Variants in FBXO38 observed in about 807,000 individuals in gnomAD.
FBXO38 encodes F-box protein 38.
A neutral mutation model predicts 131.9 loss-of-function variants in FBXO38; 53 were observed. The ratio of observed to expected loss-of-function variants is 0.40; its 90% CI spans 0.32 to 0.51. FBXO38 has a LOEUF of 0.51. Among genes scored for constraint, FBXO38 ranks in the 20% least tolerant of loss-of-function variants. FBXO38 has a pLI of 0.53. For synonymous variants in FBXO38, 452 were observed against 505.6 expected (o/e 0.89, Z 1.42); for missense variants, 1,076 against 1,475.6 (o/e 0.73, Z 4.44).
chr5:148,384,906 T>G (rs1269745650), intron 1 of FBXO38: 4 of 152,206 alleles, frequency 2.6e-5, no homozygotes, highest in African/African-American at 9.6e-5. Flanking sequence ...GTTCCAAAGT[T>G]GCTATTAACT....
chr5:148,427,263 A>T lies in FBXO38; in HGVS notation c.1969A>T (p.Met657Leu). Residue 657 changes from methionine (M) to leucine (L), a missense_variant, in exon 15 of 22, where the codon ATG (methionine) becomes TTG (leucine). Met to Leu is a conservative substitution (Grantham distance 15). Transcript: ENST00000340253. ...TCGAAAGAGGTACAACTCCCATCAG[A>T]TGGGCCAGTCGAAGCAGTTTCCCCT... is the stretch of plus-strand genomic sequence containing the variant. ...PLRKRYNSHQMGQSKQFPLEE... is the reference protein window; with the variant it reads ...PLRKRYNSHQLGQSKQFPLEE... The T allele has an allele frequency of 1.2e-6, 2 of 1,614,104 alleles. No homozygotes were observed. The highest frequency in any genetic ancestry group is 1.7e-6 in the Non-Finnish European group (2 of 1,179,980).
At chr5:148,414,334 GT>G in intron 10 of FBXO38, 28 bp downstream of exon 10, 2 of 1,513,440 alleles carry the variant, frequency 1.3e-6, no homozygotes, top group Non-Finnish European at 1.8e-6. Flanking sequence ...ATACAGCTAT[GT>G]TTTATTGATA....
chr5:148,441,096 A>G (rs749959557), intron 20 of FBXO38, 28 bp from the exon 21 acceptor site: 12 of 1,547,554 alleles, frequency 7.8e-6, no homozygotes, highest in Non-Finnish European at 1.1e-5. Context: ...CTCCCACGCC[A>G]GTTAGCAATG....
intron 12 of FBXO38, among the ~76,000 whole-genome samples, chr5:148,423,147 C>T (rs1420424381): frequency 6.6e-6 from 1 of 152,124 alleles, no homozygotes; most frequent in African/African-American, 2.4e-5. Flanking sequence ...TAGCTCTTAG[C>T]AAGTATATTC....
intron 13 of FBXO38, 120 bp downstream of exon 13, chr5:148,424,237 T>A: frequency 1.1e-6 from 1 of 951,782 alleles, no homozygotes; most frequent in Non-Finnish European, 1.6e-6. Flanking sequence ...CGTTTTATGC[T>A]ATTGATTACT....
Position 148,427,398 on chromosome 5 carries a change from C to T in FBXO38, c.2104C>T (p.Pro702Ser), listed in dbSNP as rs1171456593. 2 of 1,614,142 alleles carry T rather than the reference C, an allele frequency of 1.2e-6. No individual in the cohort carries two copies. The highest frequency in any genetic ancestry group is 1.7e-5 in the Admixed American group (1 of 60,020). ...AAAGAAAAAAAACAAGGATGTTTAT[C>T]CCAGCTGCAGCAGCACCACCGCCAG... ...PEKKKNKDVY[P>S]SCSSTTASTV... is the part of the protein sequence containing the mutation. The change falls in exon 15 of 22, where the codon CCC becomes TCC. Residue 702 changes from proline to serine, a missense_variant. Physicochemically the swap from Pro to Ser is moderately conservative, Grantham distance 74. This residue lies in a region of FBXO38 where 213 missense variants were observed against 225.2 expected (regional missense o/e 0.95). Transcript: ENST00000340253.
intron 12 of FBXO38, among the ~76,000 whole-genome samples, chr5:148,423,148 A>T (rs1753535686): frequency 6.6e-6 from 1 of 152,162 alleles, no homozygotes; most frequent in Admixed American, 6.5e-5. Context: ...AGCTCTTAGC[A>T]AGTATATTCT....
In FBXO38 at chr5:148,441,969, G is replaced by T. The variant is rs747935774; in HGVS notation, c.3389G>T (p.Ser1130Ile). The part of the protein sequence containing the change: ...ARYDFEDDEE[S>I]TIYAPRRKGQ... Reference sequence around the variant, plus strand: ...TCTCCTTTTATTTCTAATTTCAAAGGCACTATCTATGCTCCTAGAAGGAAA... The same window carrying T: ...TCTCCTTTTATTTCTAATTTCAAAGTCACTATCTATGCTCCTAGAAGGAAA... The change falls in exon 22 of 22, where the codon AGC (serine) becomes ATC (isoleucine). Residue 1130 changes from serine (S) to isoleucine (I), a missense_variant and splice_region_variant. Coordinates refer to ENST00000340253, the MANE Select transcript of FBXO38 (RefSeq NM_205836.3). 4 of 1,606,524 alleles carry T rather than the reference G, an allele frequency of 2.5e-6. No individual in the cohort carries two copies. The highest frequency in any genetic ancestry group is 3.4e-6 in the Non-Finnish European group (4 of 1,176,930).
intron 6 of FBXO38, among the ~76,000 whole-genome samples, chr5:148,405,625 C>T (rs1157787241): frequency 2.0e-5 from 3 of 152,194 alleles, no homozygotes; most frequent in Non-Finnish European, 4.4e-5. Flanking sequence ...AGCTTTCCAT[C>T]TCAATGTCTT....
chr5:148,423,504 T>G (rs914252254), intron 12 of FBXO38, among the ~76,000 whole-genome samples: 1 of 152,230 alleles, frequency 6.6e-6, no homozygotes, highest in African/African-American at 2.4e-5. Flanking sequence ...TTGGCTTTTA[T>G]CATGAAAGGT....
At chr5:148,398,194 G>A (rs759896609) in intron 2 of FBXO38, among the ~76,000 whole-genome samples, 13 of 152,066 alleles carry the variant, frequency 8.5e-5, no homozygotes, top group Non-Finnish European at 1.6e-4. Context: ...AGAATGTGAC[G>A]CAATACAGGT....
Position 148,384,006 on chromosome 5 carries a change from C to T in FBXO38, c.-97C>T, listed in dbSNP as rs1757773383. 1 of 152,888 alleles carries T rather than the reference C, an allele frequency of 6.5e-6. No individual in the cohort carries two copies. The highest frequency in any genetic ancestry group is 1.9e-4 in the East Asian group (1 of 5,174). The allele number at this position is 152,888 out of a possible 1,614,324, so 9.5% of individuals were successfully genotyped here. The stretch of plus-strand genomic sequence containing the variant: ...GGAAGTGTCTGTAGCGTCCCTCCCT[C>T]TCAACCACAATAACAGGCGGAGGGT... On this transcript the variant is annotated 5_prime_UTR_variant, in exon 1 of 22. Transcript: ENST00000340253.
rs756517041 is a variant in FBXO38, at chr5:148,441,115, G to A, written c.3275-9G>A. On this transcript the variant is annotated splice_polypyrimidine_tract_variant and intron_variant, in intron 20 of 21. Transcript: ENST00000340253. ...CACGCCAGTTAGCAATGTTACATTT[G>A]TCTTTTAGGTGTTGTGGATGGAGCT... 2 of 1,607,058 alleles carry A rather than the reference G, an allele frequency of 1.2e-6. No homozygotes were observed. Among genetic ancestry groups the A allele is most frequent in the South Asian group, 2.2e-5 (2 of 90,922 alleles).
intron 9 of FBXO38, 167 bp downstream of exon 9, chr5:148,410,932 T>C (rs1475764613): frequency 1.3e-5 from 8 of 609,868 alleles, no homozygotes; most frequent in Non-Finnish European, 2.7e-6. Context: ...TGTCAGTGAT[T>C]TTTTTTTCCA....
At chr5:148,405,609 C>T (rs1752403663) in intron 6 of FBXO38, among the ~76,000 whole-genome samples, 1 of 152,172 alleles carries the variant, frequency 6.6e-6, no homozygotes, top group Non-Finnish European at 1.5e-5. Context: ...CCCTGGTCAG[C>T]CATACAGCTT....
At chr5:148,438,229 T>C in intron 17 of FBXO38, 103 bp from the exon 18 acceptor site, 1 of 964,558 alleles carries the variant, frequency 1.0e-6, no homozygotes, top group Admixed American at 2.7e-5. Context: ...TTATTTGACC[T>C]CTGTTAAAGA....
At chr5:148,411,076 A>G (rs1301518090) in intron 9 of FBXO38, among the ~76,000 whole-genome samples, 1 of 151,924 alleles carries the variant, frequency 6.6e-6, no homozygotes, top group African/African-American at 2.4e-5. Flanking sequence ...CATTTTTTTC[A>G]CAGAATGTCA....
chr5:148,384,557 C>T (rs1417291874), intron 1 of FBXO38, among the ~76,000 whole-genome samples: 1 of 152,188 alleles, frequency 6.6e-6, no homozygotes, highest in East Asian at 1.9e-4. Context: ...CACCGTGTGA[C>T]CTTGTCTAGG....
chr5:148,393,104 A>G (rs1336875595), intron 1 of FBXO38, among the ~76,000 whole-genome samples: 1 of 151,964 alleles, frequency 6.6e-6, no homozygotes, highest in East Asian at 1.9e-4. Flanking sequence ...TCACAAATTC[A>G]GGGTAGCATA....
Sources: allele counts gnomAD v4.1 joint callset (sites outside exome capture counted in the v4.1 genomes callset), GRCh38; gene constraint gnomAD v4.1.1; regional missense constraint gnomAD v4.1.1; transcripts MANE v1.5; gene names NCBI Gene and HGNC (gene_info 2026-07-23, HGNC 2026-07-21).